The following NDUFAF2 variants were observed in gnomAD, a reference collection of about 807,000 sequenced individuals.
The protein encoded by NDUFAF2 is NADH:ubiquinone oxidoreductase complex assembly factor 2.
Under a neutral mutation model 22.8 loss-of-function variants are expected in NDUFAF2, and 13 were observed. The ratio of observed to expected loss-of-function variants is 0.57; its 90% CI spans 0.37 to 0.91. NDUFAF2 has a LOEUF of 0.91. Ranked by LOEUF, NDUFAF2 falls within the 40% of genes least tolerant of loss-of-function variation. The probability of loss-of-function intolerance (pLI) is 0.01; values close to 1 mark genes in which losing one functional copy is unlikely to be tolerated. For synonymous variants in NDUFAF2, 53 were observed against 64.2 expected, an observed-to-expected ratio of 0.83 and a Z score of 0.84; for missense variants, 162 against 195.2, an observed-to-expected ratio of 0.83 and a Z score of 1.01.
At chr5:61,129,212 A>G (rs1000076870) in intron 3 of NDUFAF2, among the ~76,000 whole-genome samples, 1 of 152,202 alleles carries the variant, frequency 6.6e-6, no homozygotes, top group African/African-American at 2.4e-5. Flanking sequence ...AAACTAGTTC[A>G]ACCATTGTGG....
At chr5:61,053,268 G>T (rs1364965480) in intron 1 of NDUFAF2, among the ~76,000 whole-genome samples, 1 of 152,150 alleles carries the variant, frequency 6.6e-6, no homozygotes, top group Non-Finnish European at 1.5e-5. Flanking sequence ...TTTAAACTAC[G>T]TAGTTTTTTA....
chr5:61,106,021 C>T (rs1046040235), intron 3 of NDUFAF2, among the ~76,000 whole-genome samples: 1 of 151,352 alleles, frequency 6.6e-6, no homozygotes, highest in Non-Finnish European at 1.5e-5. Context: ...AGTTTAAGCT[C>T]GCACTAAAAA....
intron 1 of NDUFAF2, among the ~76,000 whole-genome samples, chr5:60,992,576 C>T (rs975346735): frequency 6.6e-6 from 1 of 152,086 alleles, no homozygotes; most frequent in African/African-American, 2.4e-5. Context: ...ACCACAGTTA[C>T]AGTGTTATAA....
intron 1 of NDUFAF2, among the ~76,000 whole-genome samples, chr5:61,015,324 C>T (rs772696034): frequency 1.3e-5 from 2 of 152,060 alleles, no homozygotes; most frequent in African/African-American, 4.8e-5. Context: ...CTCTGTTGCC[C>T]AGGCTGAAGT....
intron 3 of NDUFAF2, among the ~76,000 whole-genome samples, chr5:61,136,657 T>C (rs539913107): frequency 6.6e-6 from 1 of 152,312 alleles, no homozygotes; most frequent in South Asian, 2.1e-4. Context: ...AGGCCACTTC[T>C]AAAAGCATTA....
chr5:61,032,558 G>A (rs934828760), intron 1 of NDUFAF2, among the ~76,000 whole-genome samples: 40 of 152,058 alleles, frequency 2.6e-4, no homozygotes, highest in Middle Eastern at 3.4e-3. Flanking sequence ...TATTTCTGAG[G>A]CCTCTGTTCT....
intron 3 of NDUFAF2, among the ~76,000 whole-genome samples, chr5:61,140,505 T>C (rs1456123255): frequency 6.6e-6 from 1 of 152,202 alleles, no homozygotes; most frequent in Non-Finnish European, 1.5e-5. Flanking sequence ...AAATACAGCA[T>C]ACCCAGTTAA....
chr5:61,040,789 G>T (rs1367009973), intron 1 of NDUFAF2, among the ~76,000 whole-genome samples: 2 of 152,090 alleles, frequency 1.3e-5, no homozygotes, highest in East Asian at 1.9e-4. Flanking sequence ...ATAAATAACT[G>T]TAAGGATATT....
chr5:60,945,430 T>C (rs2112558373), intron 1 of NDUFAF2, 48 bp downstream of exon 1: 2 of 1,613,688 alleles, frequency 1.2e-6, no homozygotes, highest in East Asian at 4.5e-5. Flanking sequence ...GATTGCGAGG[T>C]CAGTAAAGGA....
chr5:61,007,630 G>T (rs1432708337), intron 1 of NDUFAF2, among the ~76,000 whole-genome samples: 2 of 152,058 alleles, frequency 1.3e-5, no homozygotes, highest in African/African-American at 4.8e-5. Flanking sequence ...TAGAATGGCA[G>T]TCATTAAAAA....
intron 1 of NDUFAF2, among the ~76,000 whole-genome samples, chr5:61,039,139 A>C (rs1751839005): frequency 7.3e-6 from 1 of 137,746 alleles, no homozygotes. Flanking sequence ...CACAGCTGAC[A>C]GGCCAAAAAA....
At chr5:61,029,230 A>T (rs1751694042) in intron 1 of NDUFAF2, among the ~76,000 whole-genome samples, 1 of 152,148 alleles carries the variant, frequency 6.6e-6, no homozygotes. Context: ...CAGGTGATAT[A>T]TGGAAATGTC....
chr5:61,116,922 T>C (rs1752919631), intron 3 of NDUFAF2, among the ~76,000 whole-genome samples: 1 of 152,142 alleles, frequency 6.6e-6, no homozygotes, highest in Non-Finnish European at 1.5e-5. Context: ...GAATTATCGA[T>C]AAGTACATGA....
intron 2 of NDUFAF2, among the ~76,000 whole-genome samples, chr5:61,098,559 T>A (rs903201375): frequency 1.3e-5 from 2 of 152,214 alleles, no homozygotes; most frequent in Non-Finnish European, 2.9e-5. Context: ...TGAAAAACTT[T>A]TCTAAGTCCC....
At chr5:61,069,168 C>T (rs1752265733) in intron 1 of NDUFAF2, among the ~76,000 whole-genome samples, 2 of 148,896 alleles carry the variant, frequency 1.3e-5, no homozygotes, top group Admixed American at 1.3e-4. Flanking sequence ...TCTAGGACCT[C>T]TCCCTTCTTC....
intron 3 of NDUFAF2, among the ~76,000 whole-genome samples, chr5:61,112,541 A>C (rs1377013610): frequency 6.6e-6 from 1 of 152,088 alleles, no homozygotes; most frequent in African/African-American, 2.4e-5. Flanking sequence ...TTTTGTCTTA[A>C]AATCTATTTT....
intron 1 of NDUFAF2, among the ~76,000 whole-genome samples, chr5:60,965,029 AG>A (rs148381062): frequency 0.017 from 2,577 of 152,252 alleles, 81 homozygotes; most frequent in African/African-American, 0.059. Context: ...TACTAGGAAG[AG>A]GTTCCCAAAC....
At chr5:60,946,021 C>T (rs1335305949) in intron 1 of NDUFAF2, among the ~76,000 whole-genome samples, 1 of 152,126 alleles carries the variant, frequency 6.6e-6, no homozygotes, top group Admixed American at 6.5e-5. Flanking sequence ...TCCAAGACCC[C>T]GTTGAGCTCA....
In NDUFAF2 at chr5:61,104,995, G is replaced by A. The variant is rs1387861466; in HGVS notation, c.258+5963G>A. On this transcript the variant is annotated intron_variant, in intron 3 of 3. Coordinates refer to ENST00000296597, the MANE Select transcript of NDUFAF2 (RefSeq NM_174889.5). Reference sequence around the variant, plus strand: ...CGAATTGTAATAGAAAAATTGCCAGGTGCTGGTTAAGCCTCCTTTTCCCAT... The same window carrying A: ...CGAATTGTAATAGAAAAATTGCCAGATGCTGGTTAAGCCTCCTTTTCCCAT... Among the ~76,000 whole-genome samples, 5 of 151,934 alleles carry A rather than the reference G, an allele frequency of 3.3e-5. No individual in the cohort carries two copies. The South Asian group carries it at 1.0e-3, about 32-fold the overall frequency.
Sources: allele counts gnomAD v4.1 joint callset (sites outside exome capture counted in the v4.1 genomes callset), GRCh38; gene constraint gnomAD v4.1.1; transcripts MANE v1.5; gene names NCBI Gene and HGNC (gene_info 2026-07-23, HGNC 2026-07-21).